The following MGMT variants were observed in gnomAD, a reference collection of about 807,000 sequenced individuals.
The protein encoded by MGMT is methylated-DNA--protein-cysteine methyltransferase.
A neutral mutation model predicts 15.9 loss-of-function variants in MGMT; 14 were observed. The ratio of observed to expected loss-of-function variants is 0.88; its 90% confidence interval spans 0.58 to 1.37. MGMT has a LOEUF of 1.37. Among genes scored for constraint, MGMT ranks in the 40% most tolerant of loss-of-function variants. The probability of loss-of-function intolerance (pLI) is 0.00; values close to 1 mark genes in which losing one functional copy is unlikely to be tolerated. For synonymous variants in MGMT, 130 were observed against 118.2 expected (o/e 1.10, Z -0.65); for missense variants, 282 against 268.1 (o/e 1.05, Z -0.36).
chr10:129,638,119 A>G (rs2133087542), intron 2 of MGMT, among the ~76,000 whole-genome samples: 1 of 152,244 alleles, frequency 6.6e-6, no homozygotes, highest in Non-Finnish European at 1.5e-5. Flanking sequence ...TTCCTGCTTT[A>G]TGTACTTCAA....
At chr10:129,655,836 C>T (rs1332736083) in intron 2 of MGMT, among the ~76,000 whole-genome samples, 2 of 152,150 alleles carry the variant, frequency 1.3e-5, no homozygotes, top group Non-Finnish European at 2.9e-5. Flanking sequence ...AAACACACAG[C>T]GCATGTGTTT....
rs1845393058 is a variant in MGMT, at chr10:129,484,871, C to T, written c.-13+17575C>T. On this transcript the variant is annotated intron_variant, in intron 1 of 4. Coordinates refer to ENST00000651593, the MANE Select transcript of MGMT (RefSeq NM_002412.5). Reference sequence around the variant, plus strand: ...AGGGATAGTTTAGTCCTACTATTTACATAATGTCTTTACTTTATAAGGGTG... The same window carrying T: ...AGGGATAGTTTAGTCCTACTATTTATATAATGTCTTTACTTTATAAGGGTG... 2.0e-5 allele frequency among the ~76,000 whole-genome samples: 3 copies of T among 151,370 alleles called. No individual in the cohort carries two copies. In the South Asian group the frequency reaches 6.2e-4, roughly 31 times the overall value.
intron 3 of MGMT, among the ~76,000 whole-genome samples, chr10:129,752,817 T>C (rs1848763890): frequency 6.6e-6 from 1 of 152,150 alleles, no homozygotes; most frequent in East Asian, 1.9e-4. Context: ...ATTTTTGCTT[T>C]TGGCTAATAA....
At chr10:129,732,193 T>C (rs1300165860) in intron 3 of MGMT, among the ~76,000 whole-genome samples, 1 of 152,160 alleles carries the variant, frequency 6.6e-6, no homozygotes, top group Non-Finnish European at 1.5e-5. Context: ...CTAGGGTACA[T>C]GTACACAATG....
chr10:129,715,314 T>C (rs1848281067), intron 3 of MGMT, among the ~76,000 whole-genome samples: 1 of 152,252 alleles, frequency 6.6e-6, no homozygotes, highest in Admixed American at 6.5e-5. Context: ...TTTTCCGCAG[T>C]GTCCTGGCGT....
chr10:129,701,877 GATA>G (rs1400259747), intron 2 of MGMT: 3 of 152,206 alleles, frequency 2.0e-5, no homozygotes, highest in African/African-American at 7.2e-5. Flanking sequence ...TCACGTTCTT[GATA>G]ATATCAGTGT....
intron 3 of MGMT, among the ~76,000 whole-genome samples, chr10:129,723,574 A>G (rs963198506): frequency 2.0e-5 from 3 of 152,238 alleles, no homozygotes; most frequent in African/African-American, 7.2e-5. Context: ...TTATTAAAAG[A>G]CTTCATTAAG....
intron 2 of MGMT, among the ~76,000 whole-genome samples, chr10:129,692,117 G>A (rs1847975745): frequency 6.6e-6 from 1 of 152,204 alleles, no homozygotes; most frequent in Non-Finnish European, 1.5e-5. Flanking sequence ...TGAATGCTTT[G>A]ATACCACCCA....
intron 2 of MGMT, 90 bp downstream of exon 2, chr10:129,536,467 A>G: frequency 6.7e-7 from 1 of 1,502,024 alleles, no homozygotes; most frequent in Admixed American, 2.2e-5. Context: ...CATTGATGGC[A>G]GGGTAACGCA....
intron 2 of MGMT, among the ~76,000 whole-genome samples, chr10:129,684,574 T>C (rs1039232948): frequency 6.6e-6 from 1 of 152,220 alleles, no homozygotes; most frequent in African/African-American, 2.4e-5. Context: ...TGAATACACG[T>C]AAGTGATTGT....
At chr10:129,652,419 G>T (rs1328062214) in intron 2 of MGMT, among the ~76,000 whole-genome samples, 1 of 152,224 alleles carries the variant, frequency 6.6e-6, no homozygotes, top group African/African-American at 2.4e-5. Flanking sequence ...GAAGGCAAAG[G>T]GAGGGGCACG....
At chr10:129,499,920 T>C (rs1273628799) in intron 1 of MGMT, among the ~76,000 whole-genome samples, 1 of 152,234 alleles carries the variant, frequency 6.6e-6, no homozygotes, top group Admixed American at 6.5e-5. Context: ...AATTGTTGGA[T>C]ATATGCGTGA....
At chr10:129,544,113 A>C (rs1846073801) in intron 2 of MGMT, among the ~76,000 whole-genome samples, 2 of 152,186 alleles carry the variant, frequency 1.3e-5, no homozygotes. Context: ...CTGTTTGTGA[A>C]GGGAGGGCAG....
At chr10:129,522,422 G>A (rs901795113) in intron 1 of MGMT, among the ~76,000 whole-genome samples, 1 of 152,148 alleles carries the variant, frequency 6.6e-6, no homozygotes, top group Non-Finnish European at 1.5e-5. Context: ...GACGGTTGCC[G>A]GAGATTGCCC....
intron 2 of MGMT, among the ~76,000 whole-genome samples, chr10:129,611,742 G>A (rs746519829): frequency 2.6e-5 from 4 of 152,202 alleles, no homozygotes; most frequent in Middle Eastern, 3.4e-3. Context: ...GGTGCGCTCT[G>A]GGGGGGCCAT....
intron 2 of MGMT, chr10:129,702,243 C>G (rs1277831074): frequency 1.3e-5 from 2 of 152,176 alleles, no homozygotes; most frequent in Non-Finnish European, 2.9e-5. Flanking sequence ...TTGTGTTTTT[C>G]TTAAAGAAAT....
intron 1 of MGMT, among the ~76,000 whole-genome samples, chr10:129,529,865 ATTTC>A (rs956766354): frequency 1.3e-5 from 2 of 151,416 alleles, no homozygotes; most frequent in African/African-American, 4.9e-5. Context: ...GGTACTCTTT[ATTTC>A]TTTGTATAGC....
rs746023161 is a variant in MGMT at position 129,656,575 on chromosome 10, C to T, written c.126-51320C>T. ...CCTGATGACACGTGCCCCAGGTGGT[C>T]GGGGCACCGCTTGGTTTTATAGATT... is the stretch of plus-strand genomic sequence containing the variant. On this transcript the variant is annotated intron_variant, in intron 2 of 4. Transcript: ENST00000651593. 7.2e-5 allele frequency among the ~76,000 whole-genome samples: 11 copies of T among 152,286 alleles called. No homozygotes were observed. In the South Asian group the frequency reaches 2.1e-3, roughly 29 times the overall value.
chr10:129,557,391 C>G (rs182175048), intron 2 of MGMT, among the ~76,000 whole-genome samples: 77 of 152,232 alleles, frequency 5.1e-4, no homozygotes, highest in Non-Finnish European at 6.3e-4. Flanking sequence ...GACTCTGGGT[C>G]CCTGTCAACT....
Sources: allele counts gnomAD v4.1 joint callset (sites outside exome capture counted in the v4.1 genomes callset), GRCh38; gene constraint gnomAD v4.1.1; transcripts MANE v1.5; gene names NCBI Gene and HGNC (gene_info 2026-07-23, HGNC 2026-07-21).